COMMD10: variants seen among roughly 807,000 people sequenced by gnomAD.
COMMD10 encodes the protein COMM domain-containing protein 10.
In COMMD10, 33 loss-of-function variants were observed where a neutral mutation model predicts 28.9. The observed-to-expected ratio is 1.14, with a 90% CI of 0.87 to 1.53. The LOEUF is 1.53. Ranked by LOEUF, COMMD10 falls within the 40% of genes most tolerant of loss-of-function variation. COMMD10 has a pLI of 0.00. For synonymous variants in COMMD10, 110 were observed against 81.7 expected (o/e 1.35, Z -1.87); for missense variants, 310 against 233.4 (o/e 1.33, Z -2.14).
chr5:116,262,079 A>C (rs951903758), intron 5 of COMMD10, among the ~76,000 whole-genome samples: 1 of 151,636 alleles, frequency 6.6e-6, no homozygotes, highest in African/African-American at 2.4e-5. Context: ...TTGAGGCCAC[A>C]CTAATAAGTG....
At chr5:116,251,195 C>T (rs1241949031) in intron 5 of COMMD10, among the ~76,000 whole-genome samples, 1 of 151,876 alleles carries the variant, frequency 6.6e-6, no homozygotes, top group Non-Finnish European at 1.5e-5. Flanking sequence ...TTCTTACCTT[C>T]AGTTTATTGT....
chr5:116,109,849 C>T (rs79000285), intron 4 of COMMD10, among the ~76,000 whole-genome samples: 2,029 of 152,156 alleles, frequency 0.013, 47 homozygotes, highest in African/African-American at 0.045. Context: ...TTCTCTTTTC[C>T]CATTTAGAAG....
At chr5:116,263,930 A>C (rs922430682) in intron 5 of COMMD10, among the ~76,000 whole-genome samples, 1 of 151,888 alleles carries the variant, frequency 6.6e-6, no homozygotes, top group Admixed American at 6.6e-5. Context: ...ATGGTCGCTC[A>C]TATTTGGCTC....
At chr5:116,205,315 C>T (rs1056730955) in intron 5 of COMMD10, among the ~76,000 whole-genome samples, 1 of 152,134 alleles carries the variant, frequency 6.6e-6, no homozygotes, top group East Asian at 1.9e-4. Context: ...ATTCTGCAGT[C>T]CCTCCCTATT....
rs1157658912 is a variant in COMMD10, at chr5:116,288,872, C to CTTTT, written c.511-2621_511-2618dup. On this transcript the variant is annotated intron_variant, in intron 5 of 6. Coordinates refer to ENST00000274458, the MANE Select transcript of COMMD10 (RefSeq NM_016144.4). ...GTTTTCAATTGTTGGTGTTCTCTCT[C>CTTTT]TTTTTTTTTTTTTTTTTTTTTTTTT... 6.4e-4 allele frequency among the ~76,000 whole-genome samples: 67 copies of CTTTT among 104,382 alleles called. 5 individuals carry two copies. The highest frequency in any genetic ancestry group is 8.8e-4 in the Non-Finnish European group (47 of 53,188). The allele number at this position is 104,382 out of a possible 152,430, so 68.5% of individuals were successfully genotyped here.
intron 5 of COMMD10, among the ~76,000 whole-genome samples, chr5:116,196,225 T>G (rs1314974268): frequency 1.3e-5 from 2 of 152,186 alleles, no homozygotes; most frequent in Non-Finnish European, 2.9e-5. Flanking sequence ...AGACTATTAT[T>G]CTAAGTGAAG....
At chr5:116,156,698 A>G (rs1752722613) in intron 5 of COMMD10, among the ~76,000 whole-genome samples, 1 of 152,164 alleles carries the variant, frequency 6.6e-6, no homozygotes. Flanking sequence ...CTAATTCCAT[A>G]ACCCCCTCAA....
At chr5:116,216,225 A>G (rs567444757) in intron 5 of COMMD10, among the ~76,000 whole-genome samples, 1 of 152,300 alleles carries the variant, frequency 6.6e-6, no homozygotes, top group East Asian at 1.9e-4. Context: ...GATCTTTATT[A>G]TTGGAAAAAG....
intron 5 of COMMD10, among the ~76,000 whole-genome samples, chr5:116,246,142 A>G (rs59695753): frequency 0.38 from 57,474 of 151,976 alleles, 13,524 homozygotes; most frequent in African/African-American, 0.68. Flanking sequence ...AGAGTCTCAG[A>G]ATACAACATG....
Position 116,134,077 on chromosome 5 carries a change from G to T in COMMD10, c.409G>T (p.Val137Phe), listed in dbSNP as rs376187299. ...RILAPCKLETVGWQLNLQMAH... is the reference protein window; with the variant it reads ...RILAPCKLETFGWQLNLQMAH... ...CACCTGTCTTTTATAGCTAGAGACC[G>T]TTGGATGGCAGCTTAACCTTCAGAT... Residue 137 changes from valine (V) to phenylalanine (F), a missense_variant, in exon 5 of 7, where the codon GTT becomes TTT. Transcript: ENST00000274458. 1 of 1,595,126 alleles carries T rather than the reference G, an allele frequency of 6.3e-7. No individual in the cohort carries two copies. The highest frequency in any genetic ancestry group is 8.6e-7 in the Non-Finnish European group (1 of 1,162,344).
intron 5 of COMMD10, among the ~76,000 whole-genome samples, chr5:116,149,067 G>T (rs1752431432): frequency 7.3e-6 from 1 of 136,326 alleles, no homozygotes; most frequent in Admixed American, 8.7e-5. Flanking sequence ...TGTTCTCATT[G>T]TTCAATTCCC....
At chr5:116,163,722 T>A (rs1309374597) in intron 5 of COMMD10, among the ~76,000 whole-genome samples, 1 of 152,230 alleles carries the variant, frequency 6.6e-6, no homozygotes, top group Non-Finnish European at 1.5e-5. Context: ...CAGAGATTAT[T>A]CTTTTATTAT....
At chr5:116,161,383 A>G (rs1752910728) in intron 5 of COMMD10, among the ~76,000 whole-genome samples, 1 of 152,066 alleles carries the variant, frequency 6.6e-6, no homozygotes, top group African/African-American at 2.4e-5. Flanking sequence ...CCTTTTTCTT[A>G]TAAGTTGTTG....
rs184196832 is a variant in COMMD10 at position 116,089,826 on chromosome 5, G to A, written c.133-1253G>A. On this transcript the variant is annotated intron_variant, in intron 2 of 6. Transcript: ENST00000274458. The stretch of plus-strand genomic sequence containing the variant: ...AGAAGACGTCAGGAAAGGTCTAATT[G>A]TTTTTTTCCTGTACAGTTTCAGGGG... Among the ~76,000 whole-genome samples the A allele has an allele frequency of 5.9e-5, 9 of 152,284 alleles. No individual in the cohort carries two copies. In the East Asian group the frequency reaches 1.7e-3, roughly 29 times the overall value.
intron 5 of COMMD10, among the ~76,000 whole-genome samples, chr5:116,266,718 T>C (rs712564): frequency 0.21 from 31,684 of 151,630 alleles, 3,577 homozygotes; most frequent in Admixed American, 0.31. Context: ...GCAAACTGAA[T>C]CCAGCAGCAC....
At chr5:116,175,955 T>C (rs933763489) in intron 5 of COMMD10, among the ~76,000 whole-genome samples, 1 of 152,076 alleles carries the variant, frequency 6.6e-6, no homozygotes, top group African/African-American at 2.4e-5. Flanking sequence ...ATGGTGGTGA[T>C]GGTTGCACAA....
At chr5:116,269,130 A>AG (rs945510154) in intron 5 of COMMD10, among the ~76,000 whole-genome samples, 2 of 151,802 alleles carry the variant, frequency 1.3e-5, no homozygotes, top group African/African-American at 2.4e-5. Context: ...ATGCTTAAAC[A>AG]GAAAAAAAAT....
intron 5 of COMMD10, among the ~76,000 whole-genome samples, chr5:116,270,593 A>G (rs1750727547): frequency 6.6e-6 from 1 of 151,908 alleles, no homozygotes; most frequent in African/African-American, 2.4e-5. Context: ...GGGACTAGAA[A>G]GAACAGGGAT....
intron 5 of COMMD10, among the ~76,000 whole-genome samples, chr5:116,271,404 C>G (rs916778317): frequency 6.7e-6 from 1 of 149,854 alleles, no homozygotes; most frequent in Non-Finnish European, 1.5e-5. Flanking sequence ...GTAAGCATCC[C>G]CAAATAGAAG....
Sources: gnomAD v4.1 joint callset for allele counts (sites outside exome capture counted in the v4.1 genomes callset) on GRCh38, gnomAD v4.1.1 for gene constraint, MANE v1.5 for transcripts, NCBI Gene and HGNC (gene_info 2026-07-23, HGNC 2026-07-21) for gene names.